Variants in ZNF331 observed in about 807,000 individuals in gnomAD.
The protein encoded by ZNF331 is zinc finger protein 331, also known as C2H2-like zinc finger protein rearranged in thyroid adenomas.
ZNF331 carries 2 observed loss-of-function variants against 7.0 expected under a neutral mutation model. The observed-to-expected ratio is 0.29, with a 90% CI of 0.12 to 0.90. ZNF331 has a LOEUF of 0.90. Among genes scored for constraint, ZNF331 ranks in the 40% least tolerant of loss-of-function variants. ZNF331 has a pLI of 0.58. For missense variants in ZNF331, 432 were observed against 587.7 expected, an observed-to-expected ratio of 0.74 and a Z score of 2.74; for synonymous variants, 196 against 205.4, an observed-to-expected ratio of 0.95 and a Z score of 0.39.
intron 2 of ZNF331, among the ~76,000 whole-genome samples, chr19:53,546,409 GTA>G (rs2088618579): frequency 6.6e-6 from 1 of 151,984 alleles, no homozygotes; most frequent in Non-Finnish European, 1.5e-5. Context: ...GGCCAGGCAG[GTA>G]TATTCCTCTC....
chr19:53,503,240 C>T, the ZNF331 span, among the ~76,000 whole-genome samples: 3 of 152,126 alleles, frequency 2.0e-5, no homozygotes, highest in East Asian at 5.8e-4. Context: ...GGGATCTCGG[C>T]TCGCTGCAGC....
intron 5 of ZNF331, among the ~76,000 whole-genome samples, chr19:53,572,550 T>TTA (rs149296492): frequency 3.9e-4 from 41 of 105,766 alleles, no homozygotes; most frequent in African/African-American, 8.4e-4. Flanking sequence ...CACATATATA[T>TTA]TATATATACA....
intron 2 of ZNF331, among the ~76,000 whole-genome samples, chr19:53,553,920 A>G (rs1376713851): frequency 6.6e-6 from 1 of 152,182 alleles, no homozygotes; most frequent in Non-Finnish European, 1.5e-5. Context: ...TGCAGGGAGC[A>G]AGATGGACTC....
At chr19:53,572,559 CACACACATATATATTATATAT>C (rs1199223903) in intron 5 of ZNF331, among the ~76,000 whole-genome samples, 3 of 145,128 alleles carry the variant, frequency 2.1e-5, no homozygotes, top group African/African-American at 7.6e-5. Context: ...ATTATATATA[CACACACATATATATTATATAT>C]ACACATATAT....
chr19:53,533,400 G>C (rs1422626441), upstream of ZNF331, among the ~76,000 whole-genome samples: 1 of 152,052 alleles, frequency 6.6e-6, no homozygotes, highest in African/African-American at 2.4e-5. Flanking sequence ...CCTGTTATTT[G>C]GCCTAATATG....
At chr19:53,531,886 AT>A (rs1316801982) in intron 2 of ZNF331, among the ~76,000 whole-genome samples, 26 of 152,060 alleles carry the variant, frequency 1.7e-4, no homozygotes, top group African/African-American at 6.3e-4. Flanking sequence ...CAGTAAAGGG[AT>A]TTATGGGCCA....
In ZNF331 at chr19:53,576,533, T is replaced by A. The variant is rs114674002; in HGVS notation, c.137-164T>A. On this transcript the variant is annotated intron_variant, in intron 5 of 5. Transcript: ENST00000449416. ...ATGTCTCCAATGAATTCTCAGTTAG[T>A]ATTGTACCAGAAGTAGAATCTACAT... 4.8e-3 allele frequency among the ~76,000 whole-genome samples: 733 copies of A among 152,196 alleles called. 4 individuals carry two copies. The highest frequency in any genetic ancestry group is 0.014 in the African/African-American group (588 of 41,556).
intron 2 of ZNF331, among the ~76,000 whole-genome samples, chr19:53,546,160 A>T (rs912986880): frequency 4.7e-5 from 7 of 148,084 alleles, no homozygotes; most frequent in Admixed American, 1.3e-4. Context: ...AAAAAAAAAA[A>T]ATTATTATTT....
intron 2 of ZNF331, among the ~76,000 whole-genome samples, chr19:53,549,693 CAAA>C (rs34058079): frequency 6.4e-5 from 9 of 140,696 alleles, no homozygotes; most frequent in African/African-American, 7.8e-5. Context: ...GACTCTGTCT[CAAA>C]AAAAAAAAAA....
chr19:53,556,481 T>A (rs1230273672), intron 3 of ZNF331, among the ~76,000 whole-genome samples: 2 of 146,808 alleles, frequency 1.4e-5, no homozygotes, highest in Non-Finnish European at 3.0e-5. Flanking sequence ...AAGGGCAAAC[T>A]TTTTTTTTTT....
At chr19:53,557,531 A>G (rs997487310) in intron 3 of ZNF331, among the ~76,000 whole-genome samples, 10 of 152,214 alleles carry the variant, frequency 6.6e-5, no homozygotes, top group African/African-American at 2.2e-4. Flanking sequence ...CAATATAGGA[A>G]TCTGGGGAGG....
chr19:53,506,163 G>A, the ZNF331 span, among the ~76,000 whole-genome samples: 1 of 149,576 alleles, frequency 6.7e-6, no homozygotes, highest in African/African-American at 2.5e-5. Context: ...GGGAAACCCT[G>A]TCTCTACTAA....
chr19:53,543,095 C>T (rs866943155), intron 2 of ZNF331, among the ~76,000 whole-genome samples: 1 of 152,182 alleles, frequency 6.6e-6, no homozygotes, highest in African/African-American at 2.4e-5. Flanking sequence ...AGGCATGAGC[C>T]ACCGCGCCCA....
intron 5 of ZNF331, among the ~76,000 whole-genome samples, chr19:53,574,943 T>C (rs1453764577): frequency 1.7e-4 from 26 of 149,172 alleles, no homozygotes; most frequent in Non-Finnish European, 2.7e-4. Flanking sequence ...TTTTCTTTTT[T>C]TTTTTTTTTT....
At chr19:53,505,088 C>T in the ZNF331 span, among the ~76,000 whole-genome samples, 1 of 152,126 alleles carries the variant, frequency 6.6e-6, no homozygotes, top group Non-Finnish European at 1.5e-5. Flanking sequence ...GAGCTGACAG[C>T]GGCCAACAGG....
At chr19:53,521,333 T>TGA (rs1159189784) in exon 1 of ZNF331, 73 of 142,878 alleles carry the variant, frequency 5.1e-4, no homozygotes, top group Admixed American at 3.4e-3. Context: ...TGTGTGTGAG[T>TGA]GTGTGTGTGT....
At chr19:53,511,054 C>T in the ZNF331 span, among the ~76,000 whole-genome samples, 1 of 152,178 alleles carries the variant, frequency 6.6e-6, no homozygotes, top group Admixed American at 6.6e-5. Flanking sequence ...TCCCCATTCA[C>T]TGGAATGACT....
chr19:53,580,132 G>A lies in ZNF331; in HGVS notation c.*2180G>A, dbSNP rs1303090795. 9.6e-6 allele frequency: 2 copies of A among 208,512 alleles called. No individual in the cohort carries two copies. Among genetic ancestry groups the A allele is most frequent in the East Asian group, 7.3e-5 (1 of 13,720 alleles). The allele number at this position is 208,512 out of a possible 1,614,324, so 12.9% of individuals were successfully genotyped here. A position where few individuals can be genotyped will look rare whatever the true frequency, so the allele number is the denominator to read the frequency against. On this transcript the variant is annotated 3_prime_UTR_variant, in exon 6 of 6. Coordinates refer to ENST00000449416, the MANE Select transcript of ZNF331 (RefSeq NM_001079906.2). ...CCACAAAGAAGGAGGATAAGGGAGC[G>A]AGGTGATGGATATGTTAATTAGCTT... is the stretch of plus-strand genomic sequence containing the variant.
intron 2 of ZNF331, among the ~76,000 whole-genome samples, chr19:53,541,142 T>C (rs1467964972): frequency 6.7e-6 from 1 of 150,274 alleles, no homozygotes; most frequent in African/African-American, 2.5e-5. Context: ...AGTTTCGCTC[T>C]TGTTGCCCAG....
Sources: allele counts gnomAD v4.1 joint callset (sites outside exome capture counted in the v4.1 genomes callset), GRCh38; gene constraint gnomAD v4.1.1; transcripts MANE v1.5; gene names NCBI Gene and HGNC (gene_info 2026-07-23, HGNC 2026-07-21).